AP1M1: variants seen among roughly 807,000 people sequenced by gnomAD.
AP1M1 encodes the protein AP-1 complex subunit mu-1.
AP1M1 carries 18 observed loss-of-function variants against 57.1 expected under a neutral mutation model. The ratio of observed to expected loss-of-function variants is 0.32; its 90% CI spans 0.22 to 0.47. The LOEUF (loss-of-function observed/expected upper bound fraction) is 0.47. AP1M1 is among the 20% of genes least tolerant of loss of function. The pLI, the probability that AP1M1 is intolerant of heterozygous loss-of-function variation, is 1.00. For synonymous variants in AP1M1, 241 were observed against 237.9 expected, an observed-to-expected ratio of 1.01 and a Z score of -0.12; for missense variants, 362 against 593.5, an observed-to-expected ratio of 0.61 and a Z score of 4.05.
intron 1 of AP1M1, among the ~76,000 whole-genome samples, chr19:16,200,892 G>A (rs1206271329): frequency 1.3e-5 from 2 of 152,102 alleles, no homozygotes; most frequent in Non-Finnish European, 2.9e-5. Flanking sequence ...TCAGGCCTAC[G>A]CGTGCCTCCC....
intron 5 of AP1M1, among the ~76,000 whole-genome samples, chr19:16,214,262 C>G (rs1319297108): frequency 1.3e-5 from 2 of 151,570 alleles, no homozygotes; most frequent in Non-Finnish European, 2.9e-5. Flanking sequence ...CCATGTTAGC[C>G]AGGATGGTCT....
At chr19:16,223,659 G>A (rs1378888478) in intron 5 of AP1M1, among the ~76,000 whole-genome samples, 2 of 152,244 alleles carry the variant, frequency 1.3e-5, no homozygotes, top group East Asian at 3.8e-4. Context: ...TGGAGGCTCT[G>A]CTGAGCTCTC....
At chr19:16,204,833 CTTT>C (rs11307046) in intron 2 of AP1M1, among the ~76,000 whole-genome samples, 13 of 133,334 alleles carry the variant, frequency 9.7e-5, no homozygotes, top group Admixed American at 1.5e-4. Context: ...TCTTAGGTGG[CTTT>C]TTTTTTTTTT....
intron 2 of AP1M1, among the ~76,000 whole-genome samples, chr19:16,205,368 G>C (rs1420942648): frequency 6.6e-6 from 1 of 152,184 alleles, no homozygotes; most frequent in African/African-American, 2.4e-5. Flanking sequence ...TGGCTGAGAG[G>C]CACCCATGAG....
At chr19:16,210,376 T>G in intron 5 of AP1M1, 1 of 718,108 alleles carries the variant, frequency 1.4e-6, no homozygotes, top group Non-Finnish European at 2.6e-6. Context: ...TACCCAGGAG[T>G]GGGATGGCTG....
rs2091654664 is a variant in AP1M1 at position 16,244,121 on chromosome 19, C to T, written c.*9686C>T. ...CTTAAAGCAGCCAGAGGTAAAGACA[C>T]ATCACCTTCAGACATGACAACCAGA... On this transcript the variant is annotated 3_prime_UTR_variant, in exon 12 of 12. Transcript: ENST00000291439. 6.6e-6 allele frequency: 1 copy of T among 152,202 alleles called. No homozygotes were observed. Among genetic ancestry groups the T allele is most frequent in the African/African-American group, 2.4e-5 (1 of 41,456 alleles). The allele number at this position is 152,202 out of a possible 1,614,324, so 9.4% of individuals were successfully genotyped here.
intron 5 of AP1M1, among the ~76,000 whole-genome samples, chr19:16,226,011 G>A (rs1261206366): frequency 2.0e-5 from 3 of 152,178 alleles, no homozygotes; most frequent in Non-Finnish European, 2.9e-5. Flanking sequence ...CTCAGCGTGG[G>A]GACCAGCTGC....
Position 16,235,521 on chromosome 19 carries a change from A to G in AP1M1, c.*1086A>G, listed in dbSNP as rs1461806872. 1.3e-5 allele frequency: 2 copies of G among 152,318 alleles called. No individual in the cohort carries two copies. The highest frequency in any genetic ancestry group is 1.5e-5 in the Non-Finnish European group (1 of 68,026). 9.4% of individuals were successfully genotyped at this position (152,318 alleles called of 1,614,324 possible). ...GAAGAGGCAGCTGCAGTGCTGGACC[A>G]TGGGCCACCACTCCTGGGCCACACA... On this transcript the variant is annotated 3_prime_UTR_variant, in exon 12 of 12. Transcript: ENST00000291439.
chr19:16,233,898 A>G (rs959025349), intron 10 of AP1M1: 21 of 535,428 alleles, frequency 3.9e-5, no homozygotes, highest in African/African-American at 5.7e-5. Context: ...CCCCCTCAAA[A>G]GCCCACAGAG....
rs1233693582 is a variant in AP1M1, at chr19:16,227,896, G to T, written c.816+206G>T. On this transcript the variant is annotated intron_variant, in intron 7 of 11. Coordinates refer to ENST00000291439, the MANE Select transcript of AP1M1 (RefSeq NM_032493.4). The surrounding 1 kb of genome is among the most constrained non-coding windows in gnomAD (Gnocchi z 6.2). ...TTGGCCACCACCACCCCTTTCCCAG[G>T]CAGCCCCCAGAGCAGGCCCTGGTCA... Among the ~76,000 whole-genome samples the T allele has an allele frequency of 6.6e-6, 1 of 152,156 alleles. No homozygotes were observed. Among genetic ancestry groups the T allele is most frequent in the East Asian group, 1.9e-4 (1 of 5,178 alleles).
chr19:16,206,270 C>G lies in AP1M1; in HGVS notation c.200-71C>G. On this transcript the variant is annotated intron_variant, in intron 2 of 11. Transcript: ENST00000291439. This position sits in a 1 kb window ranked among gnomAD's most constrained non-coding sequence, Gnocchi z 4.3. ...GAGGGTTGTGAGGGTTAGGGGGTCC[C>G]TCCATGAACCAGGATCTTCCAGGCA... 1.3e-6 allele frequency: 2 copies of G among 1,528,266 alleles called. No homozygotes were observed. Among genetic ancestry groups the G allele is most frequent in the East Asian group, 2.3e-5 (1 of 44,420 alleles). 94.7% of individuals were successfully genotyped at this position (1,528,266 alleles called of 1,614,324 possible).
Position 16,244,322 on chromosome 19 carries a change from A to G in AP1M1, c.*9887A>G, listed in dbSNP as rs1350816509. ...GAAAGAGTTTGCCAGCAGCAGGCTA[A>G]CACTAAAGAAAATTGTAAACAGTGT... On this transcript the variant is annotated 3_prime_UTR_variant, in exon 12 of 12. Transcript: ENST00000291439. 1.3e-5 allele frequency: 2 copies of G among 152,272 alleles called. No homozygotes were observed. The highest frequency in any genetic ancestry group is 2.9e-5 in the Non-Finnish European group (2 of 68,058). The allele number at this position is 152,272 out of a possible 1,614,324, so 9.4% of individuals were successfully genotyped here. A position where few individuals can be genotyped will look rare whatever the true frequency, so the allele number is the denominator to read the frequency against.
rs930225630 is a variant in AP1M1 at position 16,244,723 on chromosome 19, C to G, written c.*10288C>G. On this transcript the variant is annotated 3_prime_UTR_variant, in exon 12 of 12. Coordinates refer to ENST00000291439, the MANE Select transcript of AP1M1 (RefSeq NM_032493.4). Reference sequence around the variant, plus strand: ...CGGGCGCCTGTAGTCCCAGCTACTCCGGAGGCTGAGGCAGGAGAATGGCGT... The same window carrying G: ...CGGGCGCCTGTAGTCCCAGCTACTCGGGAGGCTGAGGCAGGAGAATGGCGT... 2.6e-5 allele frequency: 4 copies of G among 151,478 alleles called. No homozygotes were observed. Among genetic ancestry groups the G allele is most frequent in the Non-Finnish European group, 4.4e-5 (3 of 67,814 alleles). 9.4% of individuals were successfully genotyped at this position (151,478 alleles called of 1,614,324 possible). A position where few individuals can be genotyped will look rare whatever the true frequency, so the allele number is the denominator to read the frequency against.
At position 16,204,428 on chromosome 19, in the gene AP1M1, C is replaced by T. The variant is rs975515159; in HGVS notation, c.199+813C>T. Among the ~76,000 whole-genome samples the T allele has an allele frequency of 6.6e-5, 10 of 152,336 alleles. No homozygotes were observed. The East Asian group carries it at 1.9e-3, about 29-fold the overall frequency. On this transcript the variant is annotated intron_variant, in intron 2 of 11. Transcript: ENST00000291439. ...CTCACAGCCCGTTTGAGCCCCAGCT[C>T]CAGCAGCCATGGGGGATCCCTCACC...
At chr19:16,218,402 C>G (rs1016442664) in intron 5 of AP1M1, among the ~76,000 whole-genome samples, 3 of 152,216 alleles carry the variant, frequency 2.0e-5, no homozygotes, top group Non-Finnish European at 4.4e-5. Flanking sequence ...TCCTTCCTGC[C>G]GGGATTCCAG....
In AP1M1 at chr19:16,208,972, G is replaced by A. The variant is rs1387285686; in HGVS notation, c.399-58G>A. 1.4e-5 allele frequency: 22 copies of A among 1,573,146 alleles called. No homozygotes were observed. The Middle Eastern group carries it at 6.1e-4, about 44-fold the overall frequency. On this transcript the variant is annotated intron_variant, in intron 4 of 11. Transcript: ENST00000291439. ...CAACCCTGCCGAAATGTCAAGGCCA[G>A]AAGCTGTGGCGTTGGTGCGGGTACC...
At position 16,234,576 on chromosome 19, in the gene AP1M1, C is replaced by A; in HGVS notation, c.*141C>A. 9.8e-7 allele frequency: 1 copy of A among 1,020,882 alleles called. No individual in the cohort carries two copies. Among genetic ancestry groups the A allele is most frequent in the Non-Finnish European group, 1.5e-6 (1 of 683,338 alleles). 63.2% of individuals were successfully genotyped at this position (1,020,882 alleles called of 1,614,324 possible). ...CCTCTGCCCAGGGACCCCTGCCTTC[C>A]CCAGGCCATCTGCTCTGCCGTCGAC... On this transcript the variant is annotated 3_prime_UTR_variant, in exon 12 of 12. Transcript: ENST00000291439.
rs1555726379 is a variant in AP1M1, at chr19:16,240,268, G to GTA, written c.*5834_*5835insAT. The stretch of plus-strand genomic sequence containing the variant: ...TGTGTGTGTGTGTGTGTGTGTGTGT[G>GTA]TGTGTATGTGTGTGTGTGTGTGTGT... On this transcript the variant is annotated 3_prime_UTR_variant, in exon 12 of 12. Transcript: ENST00000291439. 1 of 16,164 alleles carries GTA rather than the reference G, an allele frequency of 6.2e-5. No homozygotes were observed. Among genetic ancestry groups the GTA allele is most frequent in the African/African-American group, 1.5e-4 (1 of 6,498 alleles). The allele number at this position is 16,164 out of a possible 1,614,324, so 1.0% of individuals were successfully genotyped here.
rs2091626378 is a variant in AP1M1, at chr19:16,236,761, A to G, written c.*2326A>G. 6.6e-6 allele frequency: 1 copy of G among 152,220 alleles called. No homozygotes were observed. The highest frequency in any genetic ancestry group is 1.9e-4 in the East Asian group (1 of 5,200). The allele number at this position is 152,220 out of a possible 1,614,324, so 9.4% of individuals were successfully genotyped here. A position where few individuals can be genotyped will look rare whatever the true frequency, so the allele number is the denominator to read the frequency against. Reference sequence around the variant, plus strand: ...CCAGGCCAAGATGTTTATGACAGAAAACCTCCCTGGAGGGACCTAACTTCA... The same window carrying G: ...CCAGGCCAAGATGTTTATGACAGAAGACCTCCCTGGAGGGACCTAACTTCA... On this transcript the variant is annotated 3_prime_UTR_variant, in exon 12 of 12. Coordinates refer to ENST00000291439, the MANE Select transcript of AP1M1 (RefSeq NM_032493.4).
Sources: gnomAD v4.1 joint callset for allele counts (sites outside exome capture counted in the v4.1 genomes callset) on GRCh38, gnomAD v4.1.1 for gene constraint, Gnocchi (gnomAD v3.1) non-coding constraint, MANE v1.5 for transcripts, NCBI Gene and HGNC (gene_info 2026-07-23, HGNC 2026-07-21) for gene names.